ADGRB1: variants seen among roughly 807,000 people sequenced by gnomAD.
The protein encoded by ADGRB1 is brain-specific angiogenesis inhibitor 1.
ADGRB1 carries 36 observed loss-of-function variants against 175.7 expected under a neutral mutation model. The observed-to-expected ratio is 0.20, with a 90% CI of 0.16 to 0.27. The LOEUF (loss-of-function observed/expected upper bound fraction) is 0.27, where lower values mean the gene tolerates loss of function less well. ADGRB1 is among the 10% of genes least tolerant of loss of function. The pLI is 1.00. For synonymous variants in ADGRB1, 1,054 were observed against 979.4 expected (o/e 1.08, Z -1.42); for missense variants, 1,731 against 2,255.3 (o/e 0.77, Z 4.71).
At chr8:142,503,385 C>G (rs911355407) in intron 17 of ADGRB1, among the ~76,000 whole-genome samples, 2 of 152,082 alleles carry the variant, frequency 1.3e-5, no homozygotes, top group African/African-American at 2.4e-5. Flanking sequence ...GGGCCTGGCA[C>G]AGGCCAGGCC....
In ADGRB1 at chr8:142,474,842, G is replaced by A. The variant is rs916854473; in HGVS notation, c.785-632G>A. On this transcript the variant is annotated intron_variant, in intron 2 of 30. Transcript: ENST00000517894. The surrounding 1 kb of genome is among the most constrained non-coding windows in gnomAD (Gnocchi z 5.8). Reference sequence around the variant, plus strand: ...CATTTATCCCAGGCTCCCTCCTCGGGTGGCCAGCTGGCCAGGTCCAGGGCA... The same window carrying A: ...CATTTATCCCAGGCTCCCTCCTCGGATGGCCAGCTGGCCAGGTCCAGGGCA... Among the ~76,000 whole-genome samples, 3 of 152,138 alleles carry A rather than the reference G, an allele frequency of 2.0e-5. No homozygotes were observed. Among genetic ancestry groups the A allele is most frequent in the African/African-American group, 7.2e-5 (3 of 41,424 alleles).
At position 142,488,281 on chromosome 8, in the gene ADGRB1, A is replaced by G. The variant is rs1024279639; in HGVS notation, c.2309-83A>G. ...CATCAGCCTGCACTGCCAGGCCTGC[A>G]CCTCAACTCCCGCAGCTGAGGCCCC... On this transcript the variant is annotated intron_variant, in intron 13 of 30. Transcript: ENST00000517894. 11 of 1,547,742 alleles carry G rather than the reference A, an allele frequency of 7.1e-6. No homozygotes were observed. In the Middle Eastern group the frequency reaches 6.8e-4, roughly 96 times the overall value.
At chr8:142,508,722 C>T (rs1431222598) in intron 17 of ADGRB1, among the ~76,000 whole-genome samples, 1 of 152,242 alleles carries the variant, frequency 6.6e-6, no homozygotes, top group Non-Finnish European at 1.5e-5. Context: ...CTGGCACAGA[C>T]AGAGGCATCC....
intron 23 of ADGRB1, among the ~76,000 whole-genome samples, chr8:142,525,509 G>A (rs546143950): frequency 1.3e-4 from 20 of 152,144 alleles, no homozygotes; most frequent in Non-Finnish European, 2.8e-4. Context: ...CGTCACTGGT[G>A]TCCATCCTCT....
intron 1 of ADGRB1, among the ~76,000 whole-genome samples, chr8:142,454,490 G>A (rs1386203550): frequency 1.3e-5 from 2 of 152,184 alleles, no homozygotes; most frequent in Non-Finnish European, 2.9e-5. Flanking sequence ...GTCTACACAC[G>A]CAGAGGGGAA....
In ADGRB1 at chr8:142,479,475, C is replaced by A; in HGVS notation, c.1714C>A (p.Gln572Lys). 6.5e-7 allele frequency: 1 copy of A among 1,549,746 alleles called. No individual in the cohort carries two copies. The highest frequency in any genetic ancestry group is 1.2e-5 in the South Asian group (1 of 82,590). ...PQDEYRQCGTQRCPEPHEICD... is the reference protein window; with the variant it reads ...PQDEYRQCGTKRCPEPHEICD... ...GGATGAGTACCGGCAGTGCGGCACC[C>A]AGCGGTGTCCCGGTGAGGCCCCTCC... The change falls in exon 8 of 31, where the codon CAG (glutamine) becomes AAG (lysine). Residue 572 changes from glutamine (Q) to lysine (K), a missense_variant. By Grantham distance (53) the Gln-to-Lys change is moderately conservative. This residue lies in a region of ADGRB1 where 388 missense variants were observed against 630.9 expected (regional missense o/e 0.61). Coordinates refer to ENST00000517894, the MANE Select transcript of ADGRB1 (RefSeq NM_001702.3).
At chr8:142,453,132 C>T (rs1204705843) in intron 1 of ADGRB1, among the ~76,000 whole-genome samples, 3 of 151,438 alleles carry the variant, frequency 2.0e-5, no homozygotes, top group South Asian at 4.2e-4. Context: ...CCGGCCCGGC[C>T]CGGTCCCCGT....
intron 22 of ADGRB1, among the ~76,000 whole-genome samples, chr8:142,523,491 G>A (rs1435097447): frequency 1.3e-5 from 2 of 152,012 alleles, no homozygotes; most frequent in Non-Finnish European, 2.9e-5. Context: ...GGTGGCAGTA[G>A]GGGGTAGACA....
chr8:142,506,232 C>T (rs1842845616), intron 17 of ADGRB1, among the ~76,000 whole-genome samples: 1 of 152,180 alleles, frequency 6.6e-6, no homozygotes, highest in African/African-American at 2.4e-5. Context: ...CACTGGTGGT[C>T]TGCAGAGGGG....
At chr8:142,529,043 G>A (rs148077084) in intron 24 of ADGRB1, among the ~76,000 whole-genome samples, 1 of 152,360 alleles carries the variant, frequency 6.6e-6, no homozygotes, top group East Asian at 1.9e-4. Flanking sequence ...TGCTGGCACG[G>A]AGCCCAGGAT....
At chr8:142,488,841 GTGGCTGTTGCCCCAGCTCCC>G (rs1841834689) in intron 14 of ADGRB1, among the ~76,000 whole-genome samples, 174 bp from the exon 15 acceptor site, 1 of 152,160 alleles carries the variant, frequency 6.6e-6, no homozygotes, top group South Asian at 2.1e-4. Context: ...CTCTTCCCAC[GTGGCTGTTGCCCCAGCTCCC>G]TGGCTGCAGC....
At chr8:142,518,047 GGGCTGC>G in intron 18 of ADGRB1, 85 bp from the exon 19 acceptor site, 1 of 1,246,642 alleles carries the variant, frequency 8.0e-7, no homozygotes, top group South Asian at 1.3e-5. Flanking sequence ...GTGTGACCCG[GGGCTGC>G]GGGCTCTCGG....
chr8:142,534,004 G>A (rs1054814798), intron 25 of ADGRB1, among the ~76,000 whole-genome samples: 12 of 152,348 alleles, frequency 7.9e-5, no homozygotes, highest in Non-Finnish European at 1.8e-4. Flanking sequence ...CCAGGAGGGC[G>A]GAAGGCCCAG....
At chr8:142,467,078 G>A (rs1302980299) in intron 2 of ADGRB1, among the ~76,000 whole-genome samples, 2 of 152,206 alleles carry the variant, frequency 1.3e-5, no homozygotes, top group African/African-American at 4.8e-5. Context: ...CGCATGTGAC[G>A]CGTGGAGAGG....
rs1027574725 is a variant in ADGRB1 at position 142,526,424 on chromosome 8, T to TG, written c.3313-117dup. ...GTTCCTGTGATGGAGGCACGGGAGG[T>TG]GACCCTGGGTGGGGTAGGGGGTCGT... On this transcript the variant is annotated intron_variant, in intron 23 of 30. Coordinates refer to ENST00000517894, the MANE Select transcript of ADGRB1 (RefSeq NM_001702.3). The TG allele has an allele frequency of 1.4e-4, 128 of 893,444 alleles. No individual in the cohort carries two copies. The Admixed American group carries it at 2.6e-3, about 18-fold the overall frequency. 55.3% of individuals were successfully genotyped at this position (893,444 alleles called of 1,614,324 possible).
intron 22 of ADGRB1, among the ~76,000 whole-genome samples, chr8:142,523,586 G>A (rs993103065): frequency 6.6e-5 from 10 of 152,010 alleles, no homozygotes; most frequent in African/African-American, 2.2e-4. Context: ...CTGGCCTGCC[G>A]AAGTCAGGGG....
intron 25 of ADGRB1, among the ~76,000 whole-genome samples, chr8:142,533,962 G>C (rs1421102409): frequency 6.6e-6 from 1 of 152,208 alleles, no homozygotes; most frequent in African/African-American, 2.4e-5. Flanking sequence ...TGTCGACCTG[G>C]GTGGCGTAGG....
chr8:142,516,510 G>A (rs77558925), intron 18 of ADGRB1, among the ~76,000 whole-genome samples: 1,778 of 145,402 alleles, frequency 0.012, 42 homozygotes, highest in East Asian at 0.038. Flanking sequence ...CCCCAGGTGC[G>A]TGCGTGTGCG....
intron 1 of ADGRB1, among the ~76,000 whole-genome samples, chr8:142,458,555 C>T (rs1839802402): frequency 6.6e-6 from 1 of 152,200 alleles, no homozygotes; most frequent in South Asian, 2.1e-4. Context: ...CCCAACTCTG[C>T]TTCCCGGCCC....
Sources: allele counts gnomAD v4.1 joint callset (sites outside exome capture counted in the v4.1 genomes callset), GRCh38; gene constraint gnomAD v4.1.1; regional missense constraint gnomAD v4.1.1; non-coding constraint Gnocchi (gnomAD v3.1); transcripts MANE v1.5; gene names NCBI Gene and HGNC (gene_info 2026-07-23, HGNC 2026-07-21).